The following CLIP2 variants were observed in gnomAD, a reference collection of about 807,000 sequenced individuals.
CLIP2 encodes CAP-Gly domain containing linker protein 2, also known as CAP-Gly domain-containing linker protein 2.
CLIP2 carries 41 observed loss-of-function variants against 111.7 expected under a neutral mutation model. The observed-to-expected ratio is 0.37, with a 90% CI of 0.29 to 0.48. The LOEUF is 0.48. Among genes scored for constraint, CLIP2 ranks in the 20% least tolerant of loss-of-function variants. The pLI, the probability that CLIP2 is intolerant of heterozygous loss-of-function variation, is 0.99. For missense variants in CLIP2, 1,160 were observed against 1,422.1 expected (o/e 0.82, Z 2.96); for synonymous variants, 660 against 644.2 (o/e 1.02, Z -0.37).
At chr7:74,298,693 C>T (rs59097557) in intron 1 of CLIP2, among the ~76,000 whole-genome samples, 1 of 151,936 alleles carries the variant, frequency 6.6e-6, no homozygotes. Flanking sequence ...CCACCACACC[C>T]AGCTAATTTT....
chr7:74,311,040 T>TGGATC (rs1452691713), intron 1 of CLIP2, among the ~76,000 whole-genome samples: 3 of 150,722 alleles, frequency 2.0e-5, no homozygotes, highest in African/African-American at 7.3e-5. Context: ...AGTGCAGTGG[T>TGGATC]GCGATCTCAG....
chr7:74,378,661 G>A (rs1790862708), intron 10 of CLIP2, among the ~76,000 whole-genome samples: 1 of 152,054 alleles, frequency 6.6e-6, no homozygotes. Flanking sequence ...GATCACTTGA[G>A]CCCAGGTGTT....
At chr7:74,385,225 G>A (rs782141503) in intron 11 of CLIP2, among the ~76,000 whole-genome samples, 15 of 151,784 alleles carry the variant, frequency 9.9e-5, no homozygotes, top group Non-Finnish European at 2.1e-4. Flanking sequence ...AACCTGGGAG[G>A]TGGAGGTTGC....
At chr7:74,373,149 T>TA in intron 9 of CLIP2, 113 bp downstream of exon 9, 1 of 650,442 alleles carries the variant, frequency 1.5e-6, no homozygotes, top group Non-Finnish European at 2.6e-6. Flanking sequence ...TCATCTTTTT[T>TA]ATTTTTATTT....
Position 74,328,470 on chromosome 7 carries a change from C to T in CLIP2, c.122-9978C>T, listed in dbSNP as rs114754540. 6.1e-3 allele frequency among the ~76,000 whole-genome samples: 928 copies of T among 152,190 alleles called. 9 individuals are homozygous for T. Among genetic ancestry groups the T allele is most frequent in the African/African-American group, 0.021 (889 of 41,520 alleles). ...TGAGAGGGGAGTTGGTGTGAGTCCA[C>T]CTCCTGGGGCTCATGTTCTGGGGGT... On this transcript the variant is annotated intron_variant, in intron 2 of 16. Transcript: ENST00000223398.
chr7:74,368,503 C>G (rs1347298984), intron 8 of CLIP2, among the ~76,000 whole-genome samples: 1 of 150,830 alleles, frequency 6.6e-6, no homozygotes, highest in African/African-American at 2.4e-5. Flanking sequence ...GGCGACAGTG[C>G]GAGACTCCAT....
intron 1 of CLIP2, among the ~76,000 whole-genome samples, chr7:74,292,876 G>T (rs1788066432): frequency 6.6e-6 from 1 of 152,152 alleles, no homozygotes; most frequent in African/African-American, 2.4e-5. Flanking sequence ...ACCCTCTTCG[G>T]GTTCATGTCC....
At chr7:74,366,167 T>C (rs371965466) in intron 8 of CLIP2, among the ~76,000 whole-genome samples, 10 of 152,138 alleles carry the variant, frequency 6.6e-5, no homozygotes, top group African/African-American at 2.4e-4. Context: ...TCTCTGCCTG[T>C]CTTTATTGCA....
intron 13 of CLIP2, among the ~76,000 whole-genome samples, chr7:74,395,316 C>T (rs1259276881): frequency 2.6e-5 from 4 of 152,176 alleles, no homozygotes; most frequent in Middle Eastern, 6.8e-3. Context: ...TGCACTACCA[C>T]GCCCAGCTAA....
At chr7:74,385,260 A>C (rs917537370) in intron 11 of CLIP2, among the ~76,000 whole-genome samples, 1 of 151,336 alleles carries the variant, frequency 6.6e-6, no homozygotes, top group Non-Finnish European at 1.5e-5. Flanking sequence ...GCGCCACTGC[A>C]CTCCAGCCTG....
chr7:74,401,034 G>C (rs1464337283), intron 15 of CLIP2, among the ~76,000 whole-genome samples: 1 of 151,554 alleles, frequency 6.6e-6, no homozygotes, highest in Non-Finnish European at 1.5e-5. Context: ...TAGTCTGAAA[G>C]GGAAGGCATC....
intron 3 of CLIP2, among the ~76,000 whole-genome samples, chr7:74,347,587 T>TC (rs1400158976): frequency 1.3e-5 from 2 of 151,978 alleles, no homozygotes; most frequent in Admixed American, 6.6e-5. Context: ...GTACTCTAAG[T>TC]CCCCCTTACC....
At chr7:74,303,183 C>G (rs1229991679) in intron 1 of CLIP2, among the ~76,000 whole-genome samples, 2 of 152,336 alleles carry the variant, frequency 1.3e-5, no homozygotes, top group African/African-American at 4.8e-5. Flanking sequence ...CTCTTCTTGC[C>G]CTGGTCAGGG....
At chr7:74,320,897 A>G (rs1788931119) in intron 2 of CLIP2, among the ~76,000 whole-genome samples, 1 of 152,062 alleles carries the variant, frequency 6.6e-6, no homozygotes, top group South Asian at 2.1e-4. Flanking sequence ...TGTGTAACCT[A>G]ATGGCTAGAG....
chr7:74,349,207 C>T (rs181347141), intron 3 of CLIP2, among the ~76,000 whole-genome samples: 7 of 151,620 alleles, frequency 4.6e-5, no homozygotes, highest in Non-Finnish European at 7.4e-5. Context: ...CCAAGGCGGG[C>T]AGATCACAAG....
At chr7:74,325,272 G>T (rs1329728091) in intron 2 of CLIP2, among the ~76,000 whole-genome samples, 1 of 152,150 alleles carries the variant, frequency 6.6e-6, no homozygotes, top group Non-Finnish European at 1.5e-5. Context: ...AGGAGGTGGT[G>T]CAGGGCTACA....
chr7:74,390,164 AGAAAGAAAGAAAGAAAGAAAGAAAG>A (rs1230461312), intron 13 of CLIP2, among the ~76,000 whole-genome samples: 8 of 106,686 alleles, frequency 7.5e-5, no homozygotes, highest in East Asian at 7.2e-4. Context: ...GAAAGAAAGA[AGAAAGAAAGAAAGAAAGAAAGAAAG>A]AAAGAAAGAA....
intron 14 of CLIP2, among the ~76,000 whole-genome samples, chr7:74,397,949 C>T (rs1791506820): frequency 6.8e-6 from 1 of 146,466 alleles, no homozygotes; most frequent in African/African-American, 2.5e-5. Context: ...TTACAGGTGT[C>T]AGCCACTGCG....
chr7:74,354,253 C>G (rs1352650617), intron 4 of CLIP2, among the ~76,000 whole-genome samples: 3 of 152,120 alleles, frequency 2.0e-5, no homozygotes, highest in Non-Finnish European at 4.4e-5. Context: ...AGGCAAGCGC[C>G]AAGAGAATCT....
Sources: gnomAD v4.1 joint callset for allele counts (sites outside exome capture counted in the v4.1 genomes callset) on GRCh38, gnomAD v4.1.1 for gene constraint, MANE v1.5 for transcripts, NCBI Gene and HGNC (gene_info 2026-07-23, HGNC 2026-07-21) for gene names.